Variants in MAGI2 observed in about 807,000 individuals in gnomAD.
MAGI2 encodes the protein membrane associated guanylate kinase, WW and PDZ domain containing 2, also known as membrane-associated guanylate kinase, WW and PDZ domain-containing protein 2.
In MAGI2, 35 loss-of-function variants were observed where a neutral mutation model predicts 133.3. The ratio of observed to expected loss-of-function variants is 0.26; its 90% CI spans 0.20 to 0.35. The LOEUF (loss-of-function observed/expected upper bound fraction) is 0.35, where lower values mean the gene tolerates loss of function less well. MAGI2 is among the 10% of genes least tolerant of loss of function. MAGI2 has a pLI of 1.00. For synonymous variants in MAGI2, 729 were observed against 710.6 expected (o/e 1.03, Z -0.41); for missense variants, 1,636 against 1,863.4 (o/e 0.88, Z 2.25).
intron 1 of MAGI2, among the ~76,000 whole-genome samples, chr7:79,126,736 A>T (rs1820436224): frequency 1.3e-5 from 2 of 152,166 alleles, no homozygotes; most frequent in African/African-American, 2.4e-5. Flanking sequence ...GCTAAACACC[A>T]GTTGTGCCCA....
chr7:79,142,830 C>T (rs1254720299), intron 1 of MAGI2, among the ~76,000 whole-genome samples: 3 of 152,122 alleles, frequency 2.0e-5, no homozygotes, highest in South Asian at 2.1e-4. Flanking sequence ...CAGTCATGGT[C>T]CCTGTTCCAC....
At chr7:78,825,473 T>C (rs951914260) in intron 2 of MAGI2, among the ~76,000 whole-genome samples, 1 of 152,220 alleles carries the variant, frequency 6.6e-6, no homozygotes, top group African/African-American at 2.4e-5. Context: ...TAGTACGTTT[T>C]AATAAAACTG....
At position 78,865,098 on chromosome 7, in the gene MAGI2, T is replaced by A. The variant is rs559205848; in HGVS notation, c.418+141992A>T. Reference sequence around the variant, plus strand: ...ATTACATAACCTGCTTCCGTATAAATCTAGAATCTCTCTCCAGTGACTTCA... The same window carrying A: ...ATTACATAACCTGCTTCCGTATAAAACTAGAATCTCTCTCCAGTGACTTCA... On this transcript the variant is annotated intron_variant, in intron 2 of 21. Transcript: ENST00000354212. Among the ~76,000 whole-genome samples, 52 of 152,294 alleles carry A rather than the reference T, an allele frequency of 3.4e-4. No individual in the cohort carries two copies. In the Middle Eastern group the frequency reaches 0.01, roughly 30 times the overall value.
rs370324070 is a variant in MAGI2, at chr7:78,538,576, T to C, written c.539-16931A>G. Among the ~76,000 whole-genome samples the C allele has an allele frequency of 7.2e-5, 11 of 152,322 alleles. No homozygotes were observed. The East Asian group carries it at 1.2e-3, about 16-fold the overall frequency. ...TAGAGATATTCCTAAGTTGCTATTA[T>C]TATTTTTATGTTGGTGGTTGTTGTA... is the stretch of plus-strand genomic sequence containing the variant. On this transcript the variant is annotated intron_variant, in intron 3 of 21. Transcript: ENST00000354212.
At chr7:79,012,488 G>A (rs1224758062) in intron 1 of MAGI2, among the ~76,000 whole-genome samples, 1 of 152,040 alleles carries the variant, frequency 6.6e-6, no homozygotes, top group Non-Finnish European at 1.5e-5. Context: ...TATGTTACAA[G>A]CTTCCCAGGA....
chr7:78,518,581 A>C (rs1796234662), intron 4 of MAGI2: 1 of 152,202 alleles, frequency 6.6e-6, no homozygotes, highest in Non-Finnish European at 1.5e-5. Context: ...TCGTAATGGA[A>C]TAATGTTACC....
chr7:78,729,561 G>T (rs1323502993), intron 2 of MAGI2, among the ~76,000 whole-genome samples: 1 of 152,194 alleles, frequency 6.6e-6, no homozygotes, highest in African/African-American at 2.4e-5. Flanking sequence ...TTTGAACACA[G>T]TATGTTCTAG....
At chr7:78,618,023 T>C (rs2150930434) in intron 3 of MAGI2, 1 of 152,174 alleles carries the variant, frequency 6.6e-6, no homozygotes, top group East Asian at 1.9e-4. Flanking sequence ...AAAATGACTT[T>C]TATATAATAG....
In MAGI2 at chr7:78,129,935, C is replaced by CAAAA. The variant is rs61675652; in HGVS notation, c.3204-2523_3204-2520dup. On this transcript the variant is annotated intron_variant, in intron 18 of 21. Coordinates refer to ENST00000354212, the MANE Select transcript of MAGI2 (RefSeq NM_012301.4). ...GGGCAACAAGAGGGAAACTCCGCCTCAAAAAAAAAAAAAAAAAAAAAAAAA... is the reference window on the plus strand; with the variant it reads ...GGGCAACAAGAGGGAAACTCCGCCTCAAAAAAAAAAAAAAAAAAAAAAAAAAAAA... 5.9e-3 allele frequency among the ~76,000 whole-genome samples: 337 copies of CAAAA among 57,000 alleles called. 7 individuals are homozygous for CAAAA. The highest frequency in any genetic ancestry group is 0.012 in the African/African-American group (168 of 14,206). The allele number at this position is 57,000 out of a possible 152,430, so 37.4% of individuals were successfully genotyped here. A position where few individuals can be genotyped will look rare whatever the true frequency, so the allele number is the denominator to read the frequency against.
chr7:79,235,345 T>C (rs1029078774), intron 1 of MAGI2, among the ~76,000 whole-genome samples: 20 of 152,140 alleles, frequency 1.3e-4, no homozygotes, highest in Admixed American at 6.5e-4. Context: ...CCCGGCTGCT[T>C]TGTTTACCTA....
chr7:78,713,461 T>C (rs969859904), intron 2 of MAGI2, among the ~76,000 whole-genome samples: 1 of 152,152 alleles, frequency 6.6e-6, no homozygotes, highest in South Asian at 2.1e-4. Flanking sequence ...CAAGTGGAGA[T>C]GGCACTAACA....
At chr7:79,304,809 C>T (rs190428094) in intron 1 of MAGI2, among the ~76,000 whole-genome samples, 2 of 152,254 alleles carry the variant, frequency 1.3e-5, no homozygotes, top group East Asian at 3.9e-4. Flanking sequence ...TTTCCAAATC[C>T]TAGAGTCCAC....
At chr7:79,010,207 G>A (rs914353997) in intron 1 of MAGI2, among the ~76,000 whole-genome samples, 22 of 149,942 alleles carry the variant, frequency 1.5e-4, no homozygotes, top group African/African-American at 3.7e-4. Flanking sequence ...GTATATACAC[G>A]TGTTATATGT....
At chr7:79,203,654 A>G (rs1828798094) in intron 1 of MAGI2, among the ~76,000 whole-genome samples, 1 of 152,052 alleles carries the variant, frequency 6.6e-6, no homozygotes, top group Admixed American at 6.5e-5. Flanking sequence ...ACGTTTATAT[A>G]TATTGACTTG....
intron 7 of MAGI2, among the ~76,000 whole-genome samples, chr7:78,355,044 G>A (rs1303079895): frequency 1.3e-5 from 2 of 152,170 alleles, no homozygotes; most frequent in Non-Finnish European, 2.9e-5. Context: ...TTGGTTTATT[G>A]GGGATAGGTA....
intron 21 of MAGI2, among the ~76,000 whole-genome samples, chr7:78,071,541 G>C (rs534494013): frequency 2.0e-5 from 3 of 151,776 alleles, no homozygotes; most frequent in African/African-American, 7.3e-5. Context: ...TGTCCCCGCT[G>C]CCAGAAAAAA....
intron 18 of MAGI2, among the ~76,000 whole-genome samples, chr7:78,130,420 C>T (rs1407068813): frequency 6.6e-6 from 1 of 152,158 alleles, no homozygotes; most frequent in African/African-American, 2.4e-5. Flanking sequence ...ACTTCTTACA[C>T]AAATGAAGAA....
chr7:78,157,658 G>A (rs1824529069), intron 16 of MAGI2, among the ~76,000 whole-genome samples: 1 of 151,980 alleles, frequency 6.6e-6, no homozygotes, highest in African/African-American at 2.4e-5. Context: ...TAGTCCTTTA[G>A]GTATTCTGCC....
intron 3 of MAGI2, among the ~76,000 whole-genome samples, chr7:78,599,234 C>T (rs319868): frequency 0.75 from 114,557 of 152,014 alleles, 43,736 homozygotes; most frequent in African/African-American, 0.84. Context: ...CTTTTCATTA[C>T]CCAGTTCCAT....
Sources: gnomAD v4.1 joint callset for allele counts (sites outside exome capture counted in the v4.1 genomes callset) on GRCh38, gnomAD v4.1.1 for gene constraint, MANE v1.5 for transcripts, NCBI Gene and HGNC (gene_info 2026-07-23, HGNC 2026-07-21) for gene names.